Variants in CCDC138 observed in about 807,000 individuals in gnomAD.
CCDC138 encodes coiled-coil domain-containing protein 138.
A neutral mutation model predicts 82.3 loss-of-function variants in CCDC138; 66 were observed. The observed-to-expected ratio is 0.80, with a 90% CI of 0.66 to 0.98. The LOEUF is 0.98. CCDC138 is among the 50% of genes least tolerant of loss of function. CCDC138 has a pLI of 0.00. For missense variants in CCDC138, 816 were observed against 758.9 expected, an observed-to-expected ratio of 1.08 and a Z score of -0.88; for synonymous variants, 297 against 265.4, an observed-to-expected ratio of 1.12 and a Z score of -1.16.
intron 10 of CCDC138, among the ~76,000 whole-genome samples, chr2:108,827,473 A>C (rs13389601): frequency 0.047 from 7,107 of 152,252 alleles, 546 homozygotes; most frequent in African/African-American, 0.16. Context: ...GGATAGGAAG[A>C]TTTATTATGA....
At chr2:108,796,048 A>T (rs895705783) in intron 5 of CCDC138, among the ~76,000 whole-genome samples, 1 of 152,178 alleles carries the variant, frequency 6.6e-6, no homozygotes, top group Middle Eastern at 3.4e-3. Context: ...GTTTATTTTT[A>T]TTTATTTATT....
intron 10 of CCDC138, among the ~76,000 whole-genome samples, chr2:108,831,730 T>TTCCTTCCG (rs1160630871): frequency 1.3e-5 from 2 of 151,192 alleles, no homozygotes; most frequent in Non-Finnish European, 3.0e-5. Flanking sequence ...CCTTCCTTCC[T>TTCCTTCCG]TCCTTCCGTC....
chr2:108,857,816 T>A (rs1692871536), intron 13 of CCDC138, among the ~76,000 whole-genome samples: 1 of 152,184 alleles, frequency 6.6e-6, no homozygotes, highest in Non-Finnish European at 1.5e-5. Flanking sequence ...TTTCTTTTAA[T>A]GAGAAAAACA....
intron 13 of CCDC138, among the ~76,000 whole-genome samples, chr2:108,869,212 A>G (rs1006655848): frequency 6.6e-6 from 1 of 152,174 alleles, no homozygotes; most frequent in Non-Finnish European, 1.5e-5. Flanking sequence ...GAAACCAGTC[A>G]AAGATCTGTA....
chr2:108,883,097 C>G (rs1696336865), intron 2 of CCDC138: 1 of 152,206 alleles, frequency 6.6e-6, no homozygotes, highest in Non-Finnish European at 1.5e-5. Context: ...TTCAACCCAT[C>G]CTCTATATTT....
chr2:108,799,511 A>T (rs954479220), intron 6 of CCDC138, among the ~76,000 whole-genome samples: 2 of 152,192 alleles, frequency 1.3e-5, no homozygotes, highest in African/African-American at 4.8e-5. Flanking sequence ...GTCCCAGTAC[A>T]TCTGCCTTTT....
At chr2:108,853,712 G>A (rs528445266) in intron 12 of CCDC138, among the ~76,000 whole-genome samples, 1 of 148,404 alleles carries the variant, frequency 6.7e-6, no homozygotes, top group East Asian at 2.0e-4. Context: ...TTTTTGTAGA[G>A]ATGAGCTCTT....
At chr2:108,836,940 ATTC>A (rs1688664796) in intron 10 of CCDC138, among the ~76,000 whole-genome samples, 1 of 151,136 alleles carries the variant, frequency 6.6e-6, no homozygotes, top group Admixed American at 6.6e-5. Context: ...GAATTTATGT[ATTC>A]TTTTTTTTTT....
intron 5 of CCDC138, among the ~76,000 whole-genome samples, chr2:108,795,460 A>G (rs1444295212): frequency 6.6e-6 from 1 of 152,154 alleles, no homozygotes; most frequent in Non-Finnish European, 1.5e-5. Context: ...CCCAGCCTAA[A>G]GAGTATAATT....
At chr2:108,789,069 T>C in intron 3 of CCDC138, 103 bp downstream of exon 3, 1 of 1,185,964 alleles carries the variant, frequency 8.4e-7, no homozygotes, top group East Asian at 2.4e-5. Flanking sequence ...TGAGGACAAG[T>C]ATGAGGACAA....
At chr2:108,795,435 G>A (rs1160510803) in intron 5 of CCDC138, among the ~76,000 whole-genome samples, 1 of 152,116 alleles carries the variant, frequency 6.6e-6, no homozygotes, top group Non-Finnish European at 1.5e-5. Flanking sequence ...GGGATTACAG[G>A]CGTGAGCCAC....
intron 6 of CCDC138, among the ~76,000 whole-genome samples, chr2:108,798,839 A>ACACG: frequency 6.6e-6 from 1 of 151,086 alleles, no homozygotes; most frequent in Non-Finnish European, 1.5e-5. Flanking sequence ...ACACACACAC[A>ACACG]CACACACACA....
At chr2:108,854,008 A>G (rs1472704842) in intron 12 of CCDC138, among the ~76,000 whole-genome samples, 1 of 99,644 alleles carries the variant, frequency 1.0e-5, no homozygotes, top group African/African-American at 4.0e-5. Context: ...TATATTATAT[A>G]TAATATATAA....
At chr2:108,834,480 G>A (rs1397703104) in intron 10 of CCDC138, among the ~76,000 whole-genome samples, 1 of 152,126 alleles carries the variant, frequency 6.6e-6, no homozygotes, top group African/African-American at 2.4e-5. Context: ...CTCCCAAAGT[G>A]CTGGGATTAC....
At chr2:108,863,864 T>C (rs1693997027) in intron 13 of CCDC138, among the ~76,000 whole-genome samples, 1 of 152,216 alleles carries the variant, frequency 6.6e-6, no homozygotes. Context: ...GAAGTCTACT[T>C]AATAGTCAAT....
At chr2:108,805,817 A>T (rs1393000073) in intron 7 of CCDC138, among the ~76,000 whole-genome samples, 1 of 151,780 alleles carries the variant, frequency 6.6e-6, no homozygotes, top group Non-Finnish European at 1.5e-5. Context: ...TTTTCCTTCC[A>T]TCTGCCAGTT....
Position 108,803,771 on chromosome 2 carries a change from G to T in CCDC138, c.736-1118G>T, listed in dbSNP as rs1411628865. On this transcript the variant is annotated intron_variant, in intron 6 of 14. Transcript: ENST00000295124. Reference sequence around the variant, plus strand: ...CCCTTTTTTCTTTTCACAGTTGTCAGTTAGTTGTTTTATGGTTTATTTAGG... The same window carrying T: ...CCCTTTTTTCTTTTCACAGTTGTCATTTAGTTGTTTTATGGTTTATTTAGG... Among the ~76,000 whole-genome samples the T allele has an allele frequency of 3.7e-4, 56 of 152,244 alleles. 1 individual carries two copies. Among genetic ancestry groups the T allele is most frequent in the Non-Finnish European group, 4.4e-4 (30 of 68,010 alleles).
chr2:108,858,835 G>A (rs1365086202), intron 13 of CCDC138, among the ~76,000 whole-genome samples: 2 of 151,970 alleles, frequency 1.3e-5, no homozygotes, highest in Admixed American at 1.3e-4. Context: ...CCATGTTGCT[G>A]CAAAGAACAT....
chr2:108,855,183 C>G (rs1692374537), intron 12 of CCDC138, among the ~76,000 whole-genome samples: 1 of 151,994 alleles, frequency 6.6e-6, no homozygotes, highest in Non-Finnish European at 1.5e-5. Context: ...AAAATGAAGA[C>G]AAAATGAGGA....
Sources: allele counts gnomAD v4.1 joint callset (sites outside exome capture counted in the v4.1 genomes callset), GRCh38; gene constraint gnomAD v4.1.1; transcripts MANE v1.5; gene names NCBI Gene and HGNC (gene_info 2026-07-23, HGNC 2026-07-21).